Variants in ME3 observed in about 807,000 individuals in gnomAD.
ME3 encodes NADP-dependent malic enzyme, mitochondrial.
ME3 carries 48 observed loss-of-function variants against 68.9 expected under a neutral mutation model. That is an observed-to-expected ratio of 0.70 (90% CI 0.55 to 0.89). The LOEUF is 0.89. ME3 is among the 40% of genes least tolerant of loss of function. The pLI is 0.00. For missense variants in ME3, 675 were observed against 797.4 expected (o/e 0.85, Z 1.85); for synonymous variants, 320 against 318.8 (o/e 1.00, Z -0.04).
At chr11:86,567,890 C>T (rs1295674413) in intron 2 of ME3, among the ~76,000 whole-genome samples, 3 of 152,156 alleles carry the variant, frequency 2.0e-5, no homozygotes, top group Non-Finnish European at 4.4e-5. Context: ...AAGAAATAAA[C>T]TTTGCTAATC....
chr11:86,516,856 T>C (rs180915867), intron 4 of ME3, among the ~76,000 whole-genome samples: 1 of 152,242 alleles, frequency 6.6e-6, no homozygotes, highest in East Asian at 1.9e-4. Context: ...GGTTCTCTCT[T>C]AGCTAGTGCT....
intron 2 of ME3, among the ~76,000 whole-genome samples, chr11:86,664,356 A>G (rs1437319183): frequency 6.6e-6 from 1 of 152,252 alleles, no homozygotes; most frequent in Non-Finnish European, 1.5e-5. Context: ...TTGCAATTTG[A>G]ATTAAGCATT....
intron 2 of ME3, among the ~76,000 whole-genome samples, chr11:86,583,831 G>A (rs1332128699): frequency 6.6e-6 from 1 of 152,146 alleles, no homozygotes; most frequent in African/African-American, 2.4e-5. Context: ...GATTACAGAT[G>A]TAAAATGTAA....
intron 2 of ME3, among the ~76,000 whole-genome samples, chr11:86,608,162 T>A (rs1483533258): frequency 6.6e-6 from 1 of 152,196 alleles, no homozygotes; most frequent in Non-Finnish European, 1.5e-5. Flanking sequence ...ACAGGGAAGG[T>A]TCCAAACATT....
At chr11:86,484,526 C>T (rs1370735640) in intron 7 of ME3, among the ~76,000 whole-genome samples, 2 of 152,196 alleles carry the variant, frequency 1.3e-5, no homozygotes, top group South Asian at 2.1e-4. Context: ...TCCCGCCCCC[C>T]GCTCCCGGAC....
chr11:86,553,182 A>G (rs974481811), intron 4 of ME3, among the ~76,000 whole-genome samples: 1 of 152,316 alleles, frequency 6.6e-6, no homozygotes, highest in Non-Finnish European at 1.5e-5. Flanking sequence ...TGTGGTGCCT[A>G]TCTGCCCAGA....
At chr11:86,542,083 T>G (rs1227327833) in intron 4 of ME3, among the ~76,000 whole-genome samples, 1 of 152,020 alleles carries the variant, frequency 6.6e-6, no homozygotes, top group Admixed American at 6.6e-5. Flanking sequence ...GAAGGAAAAC[T>G]AACAAACAGA....
At chr11:86,465,342 G>T in intron 7 of ME3, 142 bp from the exon 8 acceptor site, 1 of 671,722 alleles carries the variant, frequency 1.5e-6, no homozygotes, top group South Asian at 1.6e-5. Flanking sequence ...TTTTGCCACT[G>T]GTTGGCTCCT....
intron 7 of ME3, among the ~76,000 whole-genome samples, chr11:86,481,030 A>G (rs554768636): frequency 2.0e-5 from 3 of 152,158 alleles, no homozygotes; most frequent in South Asian, 4.2e-4. Flanking sequence ...GATGTGGTCC[A>G]TTAGTTTCTC....
intron 2 of ME3, among the ~76,000 whole-genome samples, chr11:86,597,846 C>G (rs1166059757): frequency 6.6e-6 from 1 of 151,990 alleles, no homozygotes; most frequent in Non-Finnish European, 1.5e-5. Context: ...ATTTAAGATA[C>G]ATTAACCTTA....
intron 4 of ME3, among the ~76,000 whole-genome samples, chr11:86,544,158 G>C (rs953836910): frequency 5.3e-5 from 8 of 152,226 alleles, no homozygotes; most frequent in Non-Finnish European, 8.8e-5. Flanking sequence ...CTAAAGCGGT[G>C]TTTAGAGGGA....
chr11:86,648,567 C>T (rs956948136), intron 2 of ME3, among the ~76,000 whole-genome samples: 2 of 149,538 alleles, frequency 1.3e-5, no homozygotes, highest in Admixed American at 6.6e-5. Context: ...GAAAGATTAA[C>T]AAAACAGATG....
intron 4 of ME3, among the ~76,000 whole-genome samples, chr11:86,517,895 C>T (rs1954001557): frequency 6.6e-6 from 1 of 152,026 alleles, no homozygotes; most frequent in African/African-American, 2.4e-5. Context: ...GGAGGCAGAG[C>T]TGGGCCTTTA....
intron 2 of ME3, among the ~76,000 whole-genome samples, chr11:86,569,413 T>C (rs1286737150): frequency 6.6e-6 from 1 of 152,124 alleles, no homozygotes; most frequent in African/African-American, 2.4e-5. Flanking sequence ...CAATCCACAG[T>C]CGACTACCTG....
intron 7 of ME3, among the ~76,000 whole-genome samples, chr11:86,476,232 T>C (rs992855103): frequency 2.6e-5 from 4 of 152,118 alleles, no homozygotes; most frequent in Admixed American, 2.0e-4. Flanking sequence ...TCTGCAGGCC[T>C]GAATGATGAG....
intron 2 of ME3, among the ~76,000 whole-genome samples, chr11:86,599,602 A>G (rs992441090): frequency 6.6e-6 from 1 of 152,182 alleles, no homozygotes; most frequent in African/African-American, 2.4e-5. Flanking sequence ...TACAGAGAAC[A>G]CCACAAAGAT....
intron 2 of ME3, among the ~76,000 whole-genome samples, chr11:86,595,308 G>T (rs572458): frequency 0.21 from 8,652 of 42,086 alleles, 923 homozygotes; most frequent in East Asian, 0.41. Context: ...TATATATATA[G>T]AGAGAGAGAG....
chr11:86,560,704 A>ATT (rs1957164829), intron 2 of ME3, among the ~76,000 whole-genome samples: 1 of 101,610 alleles, frequency 9.8e-6, no homozygotes, highest in African/African-American at 3.9e-5. Flanking sequence ...ATATAATGAT[A>ATT]TGTGTGTGTG....
intron 2 of ME3, among the ~76,000 whole-genome samples, chr11:86,601,852 C>A (rs1282059331): frequency 6.6e-6 from 1 of 150,768 alleles, no homozygotes; most frequent in African/African-American, 2.4e-5. Flanking sequence ...AAGACAAAAA[C>A]CACATGATTA....
Sources: gnomAD v4.1 joint callset for allele counts (sites outside exome capture counted in the v4.1 genomes callset) on GRCh38, gnomAD v4.1.1 for gene constraint, MANE v1.5 for transcripts, NCBI Gene and HGNC (gene_info 2026-07-23, HGNC 2026-07-21) for gene names.